The following LUZP1 variants were observed in gnomAD, a reference collection of about 807,000 sequenced individuals.
The protein encoded by LUZP1 is filamin mechanobinding actin cross-linking protein.
A neutral mutation model predicts 71.3 loss-of-function variants in LUZP1; 25 were observed. That is an observed-to-expected ratio of 0.35 (90% CI 0.26 to 0.49). The LOEUF is 0.49. Ranked by LOEUF, LUZP1 falls within the 20% of genes least tolerant of loss-of-function variation. LUZP1 has a pLI of 0.99. For synonymous variants in LUZP1, 481 were observed against 506.4 expected (o/e 0.95, Z 0.67); for missense variants, 1,142 against 1,300.8 (o/e 0.88, Z 1.88).
chr1:23,093,298 G>C lies in LUZP1; in HGVS notation c.964C>G (p.Leu322Val), dbSNP rs1643874201. 1.2e-6 allele frequency: 2 copies of C among 1,610,478 alleles called. No individual in the cohort carries two copies. The highest frequency in any genetic ancestry group is 1.3e-5 in the African/African-American group (1 of 74,526). ...TGTTCACTTAGGTAATTATCCTGAAGGTCGTTATTTTTGGACTTCATTTTC... is the reference window on the plus strand; with the variant it reads ...TGTTCACTTAGGTAATTATCCTGAACGTCGTTATTTTTGGACTTCATTTTC... Residue 322 changes from leucine to valine, a missense_variant, in exon 4 of 5, where the codon CTT becomes GTT. By Grantham distance (32) the Leu-to-Val change is conservative. Coordinates refer to ENST00000302291, the Ensembl canonical transcript of LUZP1. This position sits in a 1 kb window ranked among gnomAD's most constrained non-coding sequence, Gnocchi z 4.2.
chr1:23,153,841 G>A (rs1644401334), intron 2 of LUZP1, among the ~76,000 whole-genome samples: 2 of 152,184 alleles, frequency 1.3e-5, no homozygotes, highest in South Asian at 2.1e-4. Flanking sequence ...AGGAGGCTGA[G>A]GTAGGAGAAT....
chr1:23,104,586 C>T (rs1429437267), intron 3 of LUZP1, among the ~76,000 whole-genome samples: 2 of 152,164 alleles, frequency 1.3e-5, no homozygotes, highest in African/African-American at 2.4e-5. Flanking sequence ...ATGCTTCTAT[C>T]ACTATATCCA....
chr1:23,123,385 A>T (rs1362956053), intron 2 of LUZP1, among the ~76,000 whole-genome samples: 2 of 151,546 alleles, frequency 1.3e-5, no homozygotes, highest in Non-Finnish European at 2.9e-5. Context: ...CCAGCTACTC[A>T]GGAGGCTGAG....
chr1:23,088,837 G>A, exon 5 of LUZP1: 1 of 1,585,886 alleles, frequency 6.3e-7, no homozygotes, highest in Non-Finnish European at 8.6e-7. Flanking sequence ...TCGTGGGGCA[G>A]GACGGTGGAA....
chr1:23,176,383 T>C (rs1263833727), intron 1 of LUZP1, among the ~76,000 whole-genome samples: 1 of 152,170 alleles, frequency 6.6e-6, no homozygotes, highest in Non-Finnish European at 1.5e-5. Flanking sequence ...CCTTGACTTT[T>C]ATTGACGAGA....
chr1:23,132,531 A>G (rs185280288), intron 2 of LUZP1, among the ~76,000 whole-genome samples: 48 of 151,686 alleles, frequency 3.2e-4, no homozygotes, highest in African/African-American at 1.2e-3. Flanking sequence ...AAAAAAAACT[A>G]TAAAAGACAT....
intron 1 of LUZP1, among the ~76,000 whole-genome samples, chr1:23,172,280 TGCCGAATTACAAGTGTAGTA>T (rs1644556819): frequency 6.6e-6 from 1 of 152,202 alleles, no homozygotes; most frequent in South Asian, 2.1e-4. Flanking sequence ...AAGAGTAAGT[TGCCGAATTACAAGTGTAGTA>T]GGATCCTGTA....
At chr1:23,142,694 TATATATACACACACAC>T (rs751697096) in intron 2 of LUZP1, among the ~76,000 whole-genome samples, 80 of 85,794 alleles carry the variant, frequency 9.3e-4, no homozygotes, top group East Asian at 7.8e-3. Flanking sequence ...AAAATATATA[TATATATACACACACAC>T]ACACACACAC....
chr1:23,168,301 C>A (rs1415580102), intron 2 of LUZP1, among the ~76,000 whole-genome samples: 2 of 148,702 alleles, frequency 1.3e-5, no homozygotes, highest in Non-Finnish European at 3.0e-5. Flanking sequence ...CCCGCCGGGC[C>A]CCGCGCAGCC....
chr1:23,097,292 A>T (rs1643897828), intron 3 of LUZP1, among the ~76,000 whole-genome samples: 1 of 152,168 alleles, frequency 6.6e-6, no homozygotes, highest in South Asian at 2.1e-4. Flanking sequence ...TATAATAACA[A>T]CTGAACCACT....
At chr1:23,112,150 C>A (rs542204138) in intron 2 of LUZP1, among the ~76,000 whole-genome samples, 4 of 152,216 alleles carry the variant, frequency 2.6e-5, no homozygotes, top group Non-Finnish European at 5.9e-5. Context: ...TAACTGATTT[C>A]TTTCTTCTGA....
intron 2 of LUZP1, among the ~76,000 whole-genome samples, chr1:23,152,821 G>A (rs539770947): frequency 7.2e-5 from 11 of 152,174 alleles, no homozygotes; most frequent in Non-Finnish European, 1.3e-4. Context: ...GTGGGCCACC[G>A]TTCCCGGCCA....
chr1:23,106,355 C>T (rs1191063840), intron 3 of LUZP1, among the ~76,000 whole-genome samples: 6 of 152,050 alleles, frequency 3.9e-5, no homozygotes, highest in Admixed American at 3.3e-4. Flanking sequence ...ATAATCCTAG[C>T]GCACTTTGGG....
chr1:23,150,431 T>C (rs1644374787), intron 2 of LUZP1, among the ~76,000 whole-genome samples: 1 of 152,070 alleles, frequency 6.6e-6, no homozygotes, highest in South Asian at 2.1e-4. Context: ...ATAGCATTCA[T>C]TACAGAAAAA....
At chr1:23,148,242 T>C (rs887337226) in intron 2 of LUZP1, among the ~76,000 whole-genome samples, 1 of 152,144 alleles carries the variant, frequency 6.6e-6, no homozygotes, top group Non-Finnish European at 1.5e-5. Context: ...CTCTCTGGGC[T>C]GAATAATTCC....
At position 23,168,803 on chromosome 1, in the gene LUZP1, T is replaced by A. The variant is rs1644532198; in HGVS notation, c.-263A>T. 4 of 152,796 alleles carry A rather than the reference T, an allele frequency of 2.6e-5. No individual in the cohort carries two copies. The Admixed American group carries it at 2.6e-4, about 10-fold the overall frequency. 9.5% of individuals were successfully genotyped at this position (152,796 alleles called of 1,614,324 possible). A position where few individuals can be genotyped will look rare whatever the true frequency, so the allele number is the denominator to read the frequency against. ...GAACCGCGCTCCCGCCAGCGAAGGG[T>A]TCCGCCGCTCAGCTGCCAGCGACCG... On this transcript the variant is annotated 5_prime_UTR_variant, in exon 2 of 5. Transcript: ENST00000302291.
intron 2 of LUZP1, among the ~76,000 whole-genome samples, chr1:23,125,263 C>G (rs901085375): frequency 8.5e-5 from 13 of 152,144 alleles, no homozygotes; most frequent in African/African-American, 2.9e-4. Context: ...ATACTTTCTT[C>G]AAAAGTATGC....
chr1:23,138,714 T>A (rs554630188), intron 2 of LUZP1, among the ~76,000 whole-genome samples: 7 of 135,832 alleles, frequency 5.2e-5, no homozygotes, highest in East Asian at 4.4e-4. Flanking sequence ...TATATATATA[T>A]AAATGAGGCC....
At chr1:23,086,196 T>A (rs1358327895) in exon 5 of LUZP1, 1 of 152,546 alleles carries the variant, frequency 6.6e-6, no homozygotes, top group South Asian at 2.1e-4. Context: ...ACTTTGGGAT[T>A]TGAGAGCCAG....
Sources: allele counts gnomAD v4.1 joint callset (sites outside exome capture counted in the v4.1 genomes callset), GRCh38; gene constraint gnomAD v4.1.1; non-coding constraint Gnocchi (gnomAD v3.1); transcripts MANE v1.5; gene names NCBI Gene and HGNC (gene_info 2026-07-23, HGNC 2026-07-21).